The following CRYBG3 variants were observed in gnomAD, a reference collection of about 807,000 sequenced individuals.
CRYBG3 encodes very large A-kinase anchor protein.
In CRYBG3, 127 loss-of-function variants were observed where a neutral mutation model predicts 244.2. The observed-to-expected ratio is 0.52, with a 90% CI of 0.45 to 0.60. The LOEUF (loss-of-function observed/expected upper bound fraction) is 0.60. Ranked by LOEUF, CRYBG3 falls within the 20% of genes least tolerant of loss-of-function variation. The probability of loss-of-function intolerance (pLI) is 0.00; values close to 1 mark genes in which losing one functional copy is unlikely to be tolerated. For missense variants in CRYBG3, 3,325 were observed against 3,442.5 expected (o/e 0.97, Z 0.85); for synonymous variants, 1,132 against 1,195.8 (o/e 0.95, Z 1.10).
rs149110096 is a variant in CRYBG3 at position 97,918,220 on chromosome 3, A to G, written c.8241+2484A>G. Among the ~76,000 whole-genome samples, 10 of 152,290 alleles carry G rather than the reference A, an allele frequency of 6.6e-5. No homozygotes were observed. In the East Asian group the frequency reaches 1.7e-3, roughly 26 times the overall value. The stretch of plus-strand genomic sequence containing the variant: ...GGTGCTTAAGTGTCACAATGGTATA[A>G]TATTGAGAAGTCTTAAGATTTCATC... On this transcript the variant is annotated intron_variant, in intron 17 of 21. Transcript: ENST00000389622.
rs565009163 is a variant in CRYBG3 at position 97,898,830 on chromosome 3, TC to T, written c.7702-51del. Reference sequence around the variant, plus strand: ...GTGATATTTTGCTAGATAATAGCAGTCCATAAAACAGAATATGTATGTTTTC... The same window carrying T: ...GTGATATTTTGCTAGATAATAGCAGTCATAAAACAGAATATGTATGTTTTC... On this transcript the variant is annotated intron_variant, in intron 12 of 21. Coordinates refer to ENST00000389622, the MANE Select transcript of CRYBG3 (RefSeq NM_153605.4). 2.2e-3 allele frequency: 2,810 copies of T among 1,306,596 alleles called. 7 individuals are homozygous for T. The highest frequency in any genetic ancestry group is 5.7e-3 in the Middle Eastern group (22 of 3,840). 80.9% of individuals were successfully genotyped at this position (1,306,596 alleles called of 1,614,324 possible). A position where few individuals can be genotyped will look rare whatever the true frequency, so the allele number is the denominator to read the frequency against.
intron 2 of CRYBG3, among the ~76,000 whole-genome samples, chr3:97,845,570 C>G (rs1325359648): frequency 6.6e-6 from 1 of 152,192 alleles, no homozygotes; most frequent in Non-Finnish European, 1.5e-5. Flanking sequence ...GCCTTAAACT[C>G]TTGCTTCATT....
Position 97,876,589 on chromosome 3 carries a change from A to G in CRYBG3, c.5395A>G (p.Thr1799Ala). ...GACTGCTGAAGAGGTCATTAAGAAT[A>G]CTGAAATAGTACCGTGTGTGTTAAA... Reference protein sequence around the residue: ...RKTAEEVIKNTEIVPCVLKVK... With the variant: ...RKTAEEVIKNAEIVPCVLKVK... Residue 1799 changes from threonine (T) to alanine (A), a missense_variant, in exon 4 of 22, where the codon ACT (threonine) becomes GCT (alanine). By Grantham distance (58) the Thr-to-Ala change is moderately conservative. Coordinates refer to ENST00000389622, the MANE Select transcript of CRYBG3 (RefSeq NM_153605.4). 8.1e-7 allele frequency: 1 copy of G among 1,232,656 alleles called. No homozygotes were observed. Among genetic ancestry groups the G allele is most frequent in the Non-Finnish European group, 1.0e-6 (1 of 988,332 alleles). The allele number at this position is 1,232,656 out of a possible 1,614,324, so 76.4% of individuals were successfully genotyped here.
chr3:97,879,418 T>C (rs1329097146), intron 4 of CRYBG3, among the ~76,000 whole-genome samples: 2 of 152,218 alleles, frequency 1.3e-5, no homozygotes, highest in African/African-American at 2.4e-5. Flanking sequence ...AGTGTTTTCC[T>C]TGTATTTTAC....
At chr3:97,891,316 A>G (rs2039573143) in intron 10 of CRYBG3, among the ~76,000 whole-genome samples, 1 of 152,156 alleles carries the variant, frequency 6.6e-6, no homozygotes, top group Non-Finnish European at 1.5e-5. Flanking sequence ...TATTTGGGTG[A>G]CCCAAACAAT....
rs565545487 is a variant in CRYBG3 at position 97,915,753 on chromosome 3, A to G, written c.8241+17A>G. 6.3e-7 allele frequency: 1 copy of G among 1,583,158 alleles called. No individual in the cohort carries two copies. The highest frequency in any genetic ancestry group is 1.7e-5 in the Admixed American group (1 of 58,470). On this transcript the variant is annotated intron_variant, in intron 17 of 21. Coordinates refer to ENST00000389622, the MANE Select transcript of CRYBG3 (RefSeq NM_153605.4). ...ATTGACTATGTAAGTACTTTGCAAA[A>G]TGCATACTTATAAGATTCTTTTTCT...
At chr3:97,904,054 G>A (rs952375056) in intron 15 of CRYBG3, among the ~76,000 whole-genome samples, 1 of 152,076 alleles carries the variant, frequency 6.6e-6, no homozygotes, top group Non-Finnish European at 1.5e-5. Flanking sequence ...TTCTGTAAAG[G>A]TAGCCAACAT....
At chr3:97,862,517 G>A (rs1366313005) in intron 2 of CRYBG3, among the ~76,000 whole-genome samples, 3 of 152,090 alleles carry the variant, frequency 2.0e-5, no homozygotes, top group Admixed American at 6.6e-5. Context: ...GAGAAATATT[G>A]TGGCTAAAAG....
rs199868920 is a variant in CRYBG3 at position 97,903,415 on chromosome 3, GA to G, written c.8004+2933del. 3.5e-4 allele frequency among the ~76,000 whole-genome samples: 53 copies of G among 152,208 alleles called. No homozygotes were observed. In the East Asian group the frequency reaches 9.8e-3, roughly 28 times the overall value. Reference sequence around the variant, plus strand: ...AAGAAAGCCTTTATGGTTAATAAGGGAAATGAAATCATTGTAGAATATATAA... The same window carrying G: ...AAGAAAGCCTTTATGGTTAATAAGGGAATGAAATCATTGTAGAATATATAA... On this transcript the variant is annotated intron_variant, in intron 15 of 21. Transcript: ENST00000389622.
chr3:97,852,999 T>C (rs1407598154), intron 2 of CRYBG3, among the ~76,000 whole-genome samples: 1 of 152,200 alleles, frequency 6.6e-6, no homozygotes, highest in African/African-American at 2.4e-5. Context: ...TCAGATTAAT[T>C]GCCCATTTTT....
chr3:97,897,502 T>C (rs1349444329), intron 12 of CRYBG3, among the ~76,000 whole-genome samples: 1 of 151,994 alleles, frequency 6.6e-6, no homozygotes, highest in Non-Finnish European at 1.5e-5. Flanking sequence ...AAGAGCTACA[T>C]TTAAATCTAG....
At chr3:97,921,803 G>T (rs901014026) in intron 17 of CRYBG3, among the ~76,000 whole-genome samples, 3 of 152,142 alleles carry the variant, frequency 2.0e-5, no homozygotes, top group African/African-American at 7.2e-5. Flanking sequence ...ACATTTAAGC[G>T]CTGGACCAGG....
Position 97,872,228 on chromosome 3 carries a change from G to A in CRYBG3, c.1034G>A (p.Arg345Lys), listed in dbSNP as rs2039313472. Reference protein sequence around the residue: ...KNAWGSIERNRSSPSSVTNSS... With the variant: ...KNAWGSIERNKSSPSSVTNSS... ...GCTTGGGGGAGTATTGAGAGAAATA[G>A]GTCATCCCCTTCTTCTGTGACTAAC... The change falls in exon 4 of 22, where the codon AGG (arginine) becomes AAG (lysine). Residue 345 changes from arginine to lysine, a missense_variant. Coordinates refer to ENST00000389622, the MANE Select transcript of CRYBG3 (RefSeq NM_153605.4). 3 of 1,535,688 alleles carry A rather than the reference G, an allele frequency of 2.0e-6. No homozygotes were observed. The highest frequency in any genetic ancestry group is 2.6e-6 in the Non-Finnish European group (3 of 1,146,750).
chr3:97,848,730 T>C (rs9878840), intron 2 of CRYBG3, among the ~76,000 whole-genome samples: 106,415 of 152,192 alleles, frequency 0.7, 39,188 homozygotes, highest in East Asian at 0.82. Context: ...GCTCCTGGTG[T>C]CTGCTGTCTT....
intron 12 of CRYBG3, among the ~76,000 whole-genome samples, chr3:97,898,334 C>G (rs1247976392): frequency 2.0e-5 from 3 of 151,128 alleles, no homozygotes; most frequent in African/African-American, 7.3e-5. Flanking sequence ...CATGAGCTGT[C>G]TTTGTCTTTT....
intron 15 of CRYBG3, among the ~76,000 whole-genome samples, chr3:97,906,513 A>C (rs1283503754): frequency 7.1e-6 from 1 of 141,602 alleles, no homozygotes. Flanking sequence ...AGCAATTGTG[A>C]ATGGGAGTTC....
rs1490608994 is a variant in CRYBG3, at chr3:97,875,304, A to G, written c.4110A>G (p.Gln1370=). 5 of 1,446,786 alleles carry G rather than the reference A, an allele frequency of 3.5e-6. No homozygotes were observed. In the East Asian group the frequency reaches 1.3e-4, roughly 36 times the overall value. 89.6% of individuals were successfully genotyped at this position (1,446,786 alleles called of 1,614,324 possible). ...VSEQPVNQST[Q]ISENKVLNEF... ...AACAGCCAGTAAATCAAAGCACACA[A>G]ATTAGTGAAAATAAAGTATTAAATG... Residue 1370 remains glutamine (Q), a synonymous_variant, in exon 4 of 22, where the codon CAA becomes CAG. Transcript: ENST00000389622.
At chr3:97,871,790 A>G (rs1341772535) in intron 3 of CRYBG3, 52 bp from the exon 4 acceptor site, 7 of 1,278,590 alleles carry the variant, frequency 5.5e-6, no homozygotes, top group Non-Finnish European at 7.3e-6. Context: ...TGGGATTAGT[A>G]TTAAGTATTA....
chr3:97,934,325 A>G (rs1271655900), intron 18 of CRYBG3, among the ~76,000 whole-genome samples: 1 of 152,052 alleles, frequency 6.6e-6, no homozygotes, highest in Non-Finnish European at 1.5e-5. Context: ...TTATGATAGA[A>G]ATATTAGATA....
Sources: allele counts gnomAD v4.1 joint callset (sites outside exome capture counted in the v4.1 genomes callset), GRCh38; gene constraint gnomAD v4.1.1; transcripts MANE v1.5; gene names NCBI Gene and HGNC (gene_info 2026-07-23, HGNC 2026-07-21).